Variants in CD86 observed in about 807,000 individuals in gnomAD.
CD86 encodes CD86 molecule.
Under a neutral mutation model 32.1 loss-of-function variants are expected in CD86, and 11 were observed. The ratio of observed to expected loss-of-function variants is 0.34; its 90% CI spans 0.22 to 0.57. The LOEUF is 0.57. Ranked by LOEUF, CD86 falls within the 20% of genes least tolerant of loss-of-function variation. The pLI, the probability that CD86 is intolerant of heterozygous loss-of-function variation, is 0.86. For synonymous variants in CD86, 137 were observed against 135.3 expected, an observed-to-expected ratio of 1.01 and a Z score of -0.09; for missense variants, 359 against 398.4, an observed-to-expected ratio of 0.90 and a Z score of 0.84.
chr3:122,108,898 G>C (rs1406902819), intron 4 of CD86, among the ~76,000 whole-genome samples: 1 of 152,200 alleles, frequency 6.6e-6, no homozygotes, highest in Non-Finnish European at 1.5e-5. Context: ...CTGCAGAGGG[G>C]GGCAGGATAG....
At chr3:122,106,598 A>G (rs2073095580) in intron 4 of CD86, 98 bp downstream of exon 4, 3 of 1,078,572 alleles carry the variant, frequency 2.8e-6, no homozygotes, top group East Asian at 4.8e-5. Context: ...GAAACCTCCA[A>G]CTGGGCCATT....
intron 1 of CD86, among the ~76,000 whole-genome samples, chr3:122,079,598 G>C (rs1311395889): frequency 6.7e-6 from 1 of 148,580 alleles, no homozygotes; most frequent in African/African-American, 2.6e-5. Flanking sequence ...TTTGTGGGGT[G>C]GGAGAAAGGA....
At chr3:122,072,667 C>T (rs2072504789) in intron 1 of CD86, among the ~76,000 whole-genome samples, 1 of 151,858 alleles carries the variant, frequency 6.6e-6, no homozygotes, top group African/African-American at 2.4e-5. Flanking sequence ...AAATTTTTTC[C>T]CATTTTGTAG....
rs1256618848 is a variant in CD86, at chr3:122,120,730, T to TTA, written c.*1197_*1198dup. On this transcript the variant is annotated 3_prime_UTR_variant, in exon 7 of 7. Transcript: ENST00000330540. ...GACCAAGACACAGATCACCCGGGGC[T>TTA]TACTTAGCCTACAGATGTCCTACGG... 2 of 152,406 alleles carry TTA rather than the reference T, an allele frequency of 1.3e-5. No individual in the cohort carries two copies. Among genetic ancestry groups the TTA allele is most frequent in the African/African-American group, 4.8e-5 (2 of 41,458 alleles). 9.4% of individuals were successfully genotyped at this position (152,406 alleles called of 1,614,324 possible). A position where few individuals can be genotyped will look rare whatever the true frequency, so the allele number is the denominator to read the frequency against.
At chr3:122,069,971 T>G (rs2072467022) in intron 1 of CD86, among the ~76,000 whole-genome samples, 1 of 152,212 alleles carries the variant, frequency 6.6e-6, no homozygotes, top group South Asian at 2.1e-4. Flanking sequence ...ACAATGGTAC[T>G]TTTTCTAAAA....
chr3:122,085,938 G>T (rs1007898383), intron 1 of CD86, among the ~76,000 whole-genome samples: 31 of 152,274 alleles, frequency 2.0e-4, no homozygotes, highest in African/African-American at 6.7e-4. Flanking sequence ...GAGTGCTGCT[G>T]GGCTGAGGCC....
chr3:122,075,401 G>A (rs1361019107), intron 1 of CD86, among the ~76,000 whole-genome samples: 1 of 152,202 alleles, frequency 6.6e-6, no homozygotes, highest in African/African-American at 2.4e-5. Flanking sequence ...TATATAAAAG[G>A]ATAAAATAAT....
intron 2 of CD86, among the ~76,000 whole-genome samples, chr3:122,102,787 G>C (rs950387830): frequency 1.3e-5 from 2 of 152,032 alleles, no homozygotes; most frequent in Non-Finnish European, 1.5e-5. Flanking sequence ...TTCTCTTTCT[G>C]ATCTCTGAAA....
intron 1 of CD86, among the ~76,000 whole-genome samples, chr3:122,074,340 C>T (rs4308217): frequency 2.4e-4 from 37 of 152,166 alleles, no homozygotes; most frequent in African/African-American, 8.2e-4. Context: ...TCTAAGCCAC[C>T]GGTATCATCT....
chr3:122,081,500 G>T (rs1576766866), intron 1 of CD86, among the ~76,000 whole-genome samples: 1 of 152,200 alleles, frequency 6.6e-6, no homozygotes, highest in Non-Finnish European at 1.5e-5. Flanking sequence ...TATATTATCA[G>T]GAATCTGTCT....
intron 5 of CD86, among the ~76,000 whole-genome samples, chr3:122,112,980 G>A (rs2073198269): frequency 6.6e-6 from 1 of 152,228 alleles, no homozygotes; most frequent in South Asian, 2.1e-4. Context: ...CTGCACCAGT[G>A]TGTAGTCTTT....
intron 1 of CD86, among the ~76,000 whole-genome samples, chr3:122,080,071 G>A (rs192620047): frequency 6.6e-6 from 1 of 152,016 alleles, no homozygotes; most frequent in East Asian, 1.9e-4. Context: ...GGGAGAGAAG[G>A]CCCCTCAAGT....
intron 5 of CD86, among the ~76,000 whole-genome samples, chr3:122,115,740 C>CAA (rs769868417): frequency 0.24 from 6,508 of 27,506 alleles, 1,429 homozygotes; most frequent in East Asian, 0.59. Context: ...AACTCCCTCT[C>CAA]AAAAAAAAAA....
intron 2 of CD86, among the ~76,000 whole-genome samples, chr3:122,099,457 T>G (rs989365208): frequency 7.9e-5 from 12 of 151,962 alleles, no homozygotes; most frequent in African/African-American, 2.9e-4. Context: ...GTAATGGAGG[T>G]GAACCAGGTG....
At chr3:122,115,240 AAATT>A (rs1176969077) in intron 5 of CD86, among the ~76,000 whole-genome samples, 5 of 152,236 alleles carry the variant, frequency 3.3e-5, no homozygotes, top group African/African-American at 4.8e-5. Flanking sequence ...ACATTGAAAA[AAATT>A]AATAGCATTT....
At chr3:122,091,079 T>C (rs1246152132) in intron 1 of CD86, among the ~76,000 whole-genome samples, 2 of 152,238 alleles carry the variant, frequency 1.3e-5, no homozygotes, top group East Asian at 1.9e-4. Flanking sequence ...ATGCCTGTTA[T>C]GTTGGTCAAG....
At chr3:122,074,474 C>G (rs961652724) in intron 1 of CD86, among the ~76,000 whole-genome samples, 2 of 152,300 alleles carry the variant, frequency 1.3e-5, no homozygotes, top group South Asian at 4.1e-4. Context: ...TAATGCTGCT[C>G]TAATTATTTG....
At chr3:122,109,146 G>C in intron 4 of CD86, 119 bp from the exon 5 acceptor site, 2 of 1,020,480 alleles carry the variant, frequency 2.0e-6, no homozygotes, top group South Asian at 3.4e-5. Context: ...TGGATTTCAG[G>C]CTTCTCTGGC....
intron 1 of CD86, among the ~76,000 whole-genome samples, chr3:122,082,101 C>T (rs181978836): frequency 2.6e-5 from 4 of 152,330 alleles, no homozygotes; most frequent in Non-Finnish European, 4.4e-5. Flanking sequence ...CAACCACTTA[C>T]TCAATTCGAG....
Sources: gnomAD v4.1 joint callset for allele counts (sites outside exome capture counted in the v4.1 genomes callset) on GRCh38, gnomAD v4.1.1 for gene constraint, MANE v1.5 for transcripts, NCBI Gene and HGNC (gene_info 2026-07-23, HGNC 2026-07-21) for gene names.